Variants in FAM174B observed in about 807,000 individuals in gnomAD.
The protein encoded by FAM174B is family with sequence similarity 174 member B.
A neutral mutation model predicts 10.9 loss-of-function variants in FAM174B; 12 were observed. That is an observed-to-expected ratio of 1.10 (90% CI 0.71 to 1.79). The LOEUF is 1.79. FAM174B is among the 40% of genes most tolerant of loss of function. The pLI, the probability that FAM174B is intolerant of heterozygous loss-of-function variation, is 0.00. For synonymous variants in FAM174B, 132 were observed against 115.8 expected, an observed-to-expected ratio of 1.14 and a Z score of -0.90; for missense variants, 266 against 233.3, an observed-to-expected ratio of 1.14 and a Z score of -0.91.
chr15:92,630,318 G>A lies in FAM174B; in HGVS notation c.372C>T (p.Arg124=), dbSNP rs1334526378. 6.2e-7 allele frequency: 1 copy of A among 1,613,356 alleles called. No individual in the cohort carries two copies. The highest frequency in any genetic ancestry group is 1.1e-5 in the South Asian group (1 of 91,022). ...FRSGKRLKKT[R]KYDIITTPAE... is the part of the protein sequence containing the mutation. Reference sequence around the variant, plus strand: ...CTGGAGTGGTGATGATATCATACTTGCGTGTCTTCTTTAACCTCTTTCCCG... The same window carrying A: ...CTGGAGTGGTGATGATATCATACTTACGTGTCTTCTTTAACCTCTTTCCCG... The change falls in exon 2 of 3, where the codon CGC becomes CGT. Residue 124 remains arginine (R), a synonymous_variant. Coordinates refer to ENST00000327355, the MANE Select transcript of FAM174B (RefSeq NM_207446.3).
At chr15:92,645,841 G>A (rs1205967515) in intron 1 of FAM174B, among the ~76,000 whole-genome samples, 1 of 152,066 alleles carries the variant, frequency 6.6e-6, no homozygotes, top group Non-Finnish European at 1.5e-5. Context: ...ACCCAGGTAG[G>A]GGAGGGTGGG....
At chr15:92,623,501 G>A (rs544409309) in intron 2 of FAM174B, among the ~76,000 whole-genome samples, 14 of 152,248 alleles carry the variant, frequency 9.2e-5, no homozygotes, top group Admixed American at 4.6e-4. Flanking sequence ...CCACCGTGCC[G>A]CAGGATGACA....
intron 1 of FAM174B, among the ~76,000 whole-genome samples, chr15:92,644,446 T>C (rs537261128): frequency 1.3e-5 from 2 of 152,324 alleles, no homozygotes; most frequent in South Asian, 2.1e-4. Context: ...TTTCCTCTAG[T>C]GCAGCAAGAG....
At position 92,655,475 on chromosome 15, in the gene FAM174B, G is replaced by A. The variant is rs767706668; in HGVS notation, c.185C>T (p.Ala62Val). The change falls in exon 1 of 3, where the codon GCG (alanine) becomes GTG (valine). Residue 62 changes from alanine to valine, a missense_variant. Transcript: ENST00000327355. ...GGAGCTGGAGCTGCCGCTGCCGCCC[G>A]CCGCCCCAGACCCAAACCGGGTGGT... ...GNTTRFGSGA[A>V]GGSGSSSSNS... 3.7e-5 allele frequency: 57 copies of A among 1,553,378 alleles called. No individual in the cohort carries two copies. The highest frequency in any genetic ancestry group is 4.9e-5 in the Non-Finnish European group (56 of 1,152,928).
chr15:92,644,741 C>A (rs2050914529), intron 1 of FAM174B, among the ~76,000 whole-genome samples: 2 of 152,196 alleles, frequency 1.3e-5, no homozygotes. Context: ...GAACAAACAA[C>A]AGTGACAAGT....
intron 1 of FAM174B, among the ~76,000 whole-genome samples, chr15:92,652,001 T>C (rs1486301786): frequency 6.6e-6 from 1 of 152,262 alleles, no homozygotes; most frequent in African/African-American, 2.4e-5. Context: ...CTCTCCTTTA[T>C]CTACATTGTA....
chr15:92,617,722 A>C lies in FAM174B; in HGVS notation c.*1734T>G, dbSNP rs186463502. On this transcript the variant is annotated 3_prime_UTR_variant, in exon 3 of 3. Transcript: ENST00000327355. The stretch of plus-strand genomic sequence containing the variant: ...GCCAGGCTCCCGTGAGTCACCACTC[A>C]GGCCTGAGTACACCGTGGAGAGGAG... The C allele has an allele frequency of 1.0e-3, 669 of 671,608 alleles. No homozygotes were observed. Among genetic ancestry groups the C allele is most frequent in the South Asian group, 1.8e-3 (111 of 63,320 alleles). 41.6% of individuals were successfully genotyped at this position (671,608 alleles called of 1,614,324 possible).
chr15:92,644,794 C>T (rs1181130020), intron 1 of FAM174B, among the ~76,000 whole-genome samples: 2 of 152,218 alleles, frequency 1.3e-5, no homozygotes, highest in African/African-American at 4.8e-5. Context: ...GCACAAATAG[C>T]GGCACCCTGC....
At chr15:92,626,137 A>AGTCG (rs2050750939) in intron 2 of FAM174B, among the ~76,000 whole-genome samples, 1 of 9,986 alleles carries the variant, frequency 1.0e-4, no homozygotes. Context: ...TTTTTTTTTG[A>AGTCG]GACCAGGCCG....
chr15:92,654,150 C>T (rs142572628), intron 1 of FAM174B, among the ~76,000 whole-genome samples: 5 of 152,322 alleles, frequency 3.3e-5, no homozygotes, highest in Non-Finnish European at 5.9e-5. Flanking sequence ...GAAGAAAACA[C>T]CTGGACTCAA....
At chr15:92,645,775 A>C (rs1346139279) in intron 1 of FAM174B, among the ~76,000 whole-genome samples, 1 of 152,120 alleles carries the variant, frequency 6.6e-6, no homozygotes, top group Non-Finnish European at 1.5e-5. Context: ...CTCTGAGGTC[A>C]CAGTGCTTTG....
At chr15:92,640,913 G>A (rs1212936521) in intron 1 of FAM174B, among the ~76,000 whole-genome samples, 1 of 152,156 alleles carries the variant, frequency 6.6e-6, no homozygotes, top group African/African-American at 2.4e-5. Flanking sequence ...CCAAAGTGCT[G>A]GGATTACAGG....
At chr15:92,635,480 CG>C (rs2050849587) in intron 1 of FAM174B, among the ~76,000 whole-genome samples, 1 of 151,584 alleles carries the variant, frequency 6.6e-6, no homozygotes, top group African/African-American at 2.4e-5. Flanking sequence ...AGGGTCTTCG[CG>C]GATGGTAGCA....
intron 2 of FAM174B, among the ~76,000 whole-genome samples, chr15:92,627,745 A>G (rs1340743565): frequency 6.6e-6 from 1 of 152,226 alleles, no homozygotes; most frequent in Non-Finnish European, 1.5e-5. Flanking sequence ...CACTCGAACC[A>G]TTAAACGCTC....
intron 1 of FAM174B, among the ~76,000 whole-genome samples, chr15:92,653,759 T>C (rs939536802): frequency 6.6e-6 from 1 of 152,184 alleles, no homozygotes; most frequent in Non-Finnish European, 1.5e-5. Flanking sequence ...ACTTGTAGAA[T>C]ATAGAGGCAA....
intron 2 of FAM174B, 144 bp from the exon 3 acceptor site, chr15:92,619,603 T>C: frequency 2.2e-6 from 2 of 906,848 alleles, no homozygotes; most frequent in Non-Finnish European, 3.3e-6. Flanking sequence ...GAGCGTGCTG[T>C]CTGGAAGGCG....
chr15:92,623,991 G>C (rs1040247827), intron 2 of FAM174B, among the ~76,000 whole-genome samples: 3 of 150,632 alleles, frequency 2.0e-5, no homozygotes, highest in Non-Finnish European at 4.4e-5. Context: ...TTGTTTATTT[G>C]ATCAGATTCC....
chr15:92,637,597 A>G (rs1049531448), intron 1 of FAM174B, among the ~76,000 whole-genome samples: 1 of 152,160 alleles, frequency 6.6e-6, no homozygotes, highest in Non-Finnish European at 1.5e-5. Context: ...TAATTTTCCT[A>G]TATCCTCAAG....
At chr15:92,621,349 C>T (rs918738763) in intron 2 of FAM174B, among the ~76,000 whole-genome samples, 10 of 152,212 alleles carry the variant, frequency 6.6e-5, no homozygotes, top group Non-Finnish European at 1.3e-4. Context: ...CAGTGGGTCG[C>T]GCCCGTAATC....
Sources: gnomAD v4.1 joint callset for allele counts (sites outside exome capture counted in the v4.1 genomes callset) on GRCh38, gnomAD v4.1.1 for gene constraint, MANE v1.5 for transcripts, NCBI Gene and HGNC (gene_info 2026-07-23, HGNC 2026-07-21) for gene names.